TEC: variants seen among roughly 807,000 people sequenced by gnomAD.
The protein encoded by TEC is tyrosine-protein kinase Tec.
In TEC, 72 loss-of-function variants were observed where a neutral mutation model predicts 93.0. That is an observed-to-expected ratio of 0.77 (90% confidence interval 0.64 to 0.94). The LOEUF (loss-of-function observed/expected upper bound fraction) is 0.94, where lower values mean the gene tolerates loss of function less well. Ranked by LOEUF, TEC falls within the 40% of genes least tolerant of loss-of-function variation. TEC has a pLI of 0.00. For missense variants in TEC, 630 were observed against 757.9 expected (o/e 0.83, Z 1.98); for synonymous variants, 249 against 247.7 (o/e 1.01, Z -0.05).
intron 2 of TEC, among the ~76,000 whole-genome samples, chr4:48,211,803 A>G (rs1387577058): frequency 6.6e-6 from 1 of 152,110 alleles, no homozygotes; most frequent in Non-Finnish European, 1.5e-5. Flanking sequence ...CTTCTTTAAT[A>G]TAAGCATTCA....
chr4:48,226,705 G>A (rs967826775), intron 2 of TEC, among the ~76,000 whole-genome samples: 1 of 152,054 alleles, frequency 6.6e-6, no homozygotes, highest in African/African-American at 2.4e-5. Flanking sequence ...TAGTAGTTAA[G>A]TTTGCGGGGG....
Position 48,136,906 on chromosome 4 carries a change from G to A in TEC, c.*510C>T, listed in dbSNP as rs1719449843. On this transcript the variant is annotated 3_prime_UTR_variant, in exon 18 of 18. Coordinates refer to ENST00000381501, the MANE Select transcript of TEC (RefSeq NM_003215.3). ...TAAGAGCAGTCTTGAAAACTGAGAT[G>A]TTTTCAAAACAAAAGATAGGTATTT... 1 of 152,210 alleles carries A rather than the reference G, an allele frequency of 6.6e-6. No individual in the cohort carries two copies. Among genetic ancestry groups the A allele is most frequent in the South Asian group, 2.1e-4 (1 of 4,822 alleles). 9.4% of individuals were successfully genotyped at this position (152,210 alleles called of 1,614,324 possible). A position where few individuals can be genotyped will look rare whatever the true frequency, so the allele number is the denominator to read the frequency against.
intron 2 of TEC, among the ~76,000 whole-genome samples, chr4:48,185,173 A>G (rs1721765307): frequency 6.6e-6 from 1 of 152,258 alleles, no homozygotes; most frequent in African/African-American, 2.4e-5. Flanking sequence ...GTGAAAGACT[A>G]AAGAGTTCCA....
intron 8 of TEC, among the ~76,000 whole-genome samples, chr4:48,163,120 G>T (rs904453127): frequency 1.3e-5 from 2 of 152,010 alleles, no homozygotes; most frequent in African/African-American, 4.8e-5. Context: ...CATCTGCCTG[G>T]TTATGTCTCT....
chr4:48,137,415 C>T lies in TEC; in HGVS notation c.*1G>A, dbSNP rs1385886645. 1.2e-6 allele frequency: 2 copies of T among 1,613,812 alleles called. No individual in the cohort carries two copies. On this transcript the variant is annotated 3_prime_UTR_variant, in exon 18 of 18. Coordinates refer to ENST00000381501, the MANE Select transcript of TEC (RefSeq NM_003215.3). ...TCTGGGAGCCACTGGTCACACATCA[C>T]TTATCTTCCAAAAGTTTCTTCACAT... is the stretch of plus-strand genomic sequence containing the variant.
At chr4:48,171,548 CTCAAATAACTGAAAG>C in intron 3 of TEC, 99 bp from the exon 4 acceptor site, 1 of 794,724 alleles carries the variant, frequency 1.3e-6, no homozygotes. Flanking sequence ...ATAAATGATT[CTCAAATAACTGAAAG>C]TCAATAACTT....
intron 14 of TEC, among the ~76,000 whole-genome samples, chr4:48,142,887 T>C (rs995409732): frequency 1.3e-5 from 2 of 152,060 alleles, no homozygotes; most frequent in Non-Finnish European, 2.9e-5. Flanking sequence ...TTTCACCATG[T>C]TTGCCAGGAT....
chr4:48,247,513 A>G (rs902204026), intron 1 of TEC, among the ~76,000 whole-genome samples: 1 of 149,700 alleles, frequency 6.7e-6, no homozygotes, highest in Non-Finnish European at 1.5e-5. Context: ...GAATGAATAA[A>G]CAAAATTTAT....
At chr4:48,187,284 C>T (rs972076063) in intron 2 of TEC, among the ~76,000 whole-genome samples, 49 of 152,266 alleles carry the variant, frequency 3.2e-4, no homozygotes, top group Non-Finnish European at 5.0e-4. Flanking sequence ...CCCAGGGACA[C>T]AAACATTGCG....
chr4:48,163,383 G>C (rs2109535899), intron 8 of TEC, among the ~76,000 whole-genome samples: 1 of 152,248 alleles, frequency 6.6e-6, no homozygotes, highest in African/African-American at 2.4e-5. Flanking sequence ...AAACTGTTCT[G>C]CTTATGTCCT....
intron 7 of TEC, 42 bp from the exon 8 acceptor site, chr4:48,163,809 G>C: frequency 9.1e-7 from 1 of 1,094,768 alleles, no homozygotes; most frequent in Non-Finnish European, 1.3e-6. Flanking sequence ...TACTTTACTG[G>C]GAGGTTATTG....
At chr4:48,240,980 TA>T (rs1253359886) in intron 1 of TEC, among the ~76,000 whole-genome samples, 7 of 152,118 alleles carry the variant, frequency 4.6e-5, no homozygotes. Context: ...TTAAAAACAC[TA>T]ATTTGATAGA....
In TEC at chr4:48,157,692, T is replaced by C. The variant is rs182372359; in HGVS notation, c.738-958A>G. 2.8e-4 allele frequency among the ~76,000 whole-genome samples: 43 copies of C among 152,296 alleles called. 1 individual carries two copies. The highest frequency in any genetic ancestry group is 2.6e-3 in the Admixed American group (40 of 15,292). ...CACCACACCCAGCTAATTTTTGTATTTTTAGTAGAGACAGGGTTTCACTGT... is the reference window on the plus strand; with the variant it reads ...CACCACACCCAGCTAATTTTTGTATCTTTAGTAGAGACAGGGTTTCACTGT... On this transcript the variant is annotated intron_variant, in intron 8 of 17. Transcript: ENST00000381501.
chr4:48,242,218 T>A (rs931889817), intron 1 of TEC, among the ~76,000 whole-genome samples: 1 of 152,252 alleles, frequency 6.6e-6, no homozygotes, highest in Non-Finnish European at 1.5e-5. Context: ...GTTACACGTA[T>A]ACATAAATCT....
chr4:48,171,835 A>AGG (rs1721124831), intron 3 of TEC, among the ~76,000 whole-genome samples: 1 of 152,238 alleles, frequency 6.6e-6, no homozygotes, highest in Non-Finnish European at 1.5e-5. Context: ...CACTATCAAT[A>AGG]ATTGCAGTAG....
intron 9 of TEC, among the ~76,000 whole-genome samples, chr4:48,155,418 A>G (rs1720358309): frequency 6.6e-6 from 1 of 152,208 alleles, no homozygotes; most frequent in Non-Finnish European, 1.5e-5. Flanking sequence ...TCTTATGGCA[A>G]AAGCCAGTTA....
intron 1 of TEC, among the ~76,000 whole-genome samples, chr4:48,250,483 T>C (rs1724171472): frequency 6.6e-6 from 1 of 152,216 alleles, no homozygotes; most frequent in Non-Finnish European, 1.5e-5. Context: ...GATATACCTA[T>C]GTAACTTACT....
intron 6 of TEC, 122 bp downstream of exon 6, chr4:48,168,464 G>A: frequency 2.9e-6 from 3 of 1,038,064 alleles, no homozygotes; most frequent in South Asian, 1.4e-5. Context: ...ACGATCCTAG[G>A]GAAAAATTGT....
At chr4:48,231,525 C>T (rs7658983) in intron 1 of TEC, among the ~76,000 whole-genome samples, 24,235 of 151,906 alleles carry the variant, frequency 0.16, 2,151 homozygotes, top group Non-Finnish European at 0.2. Flanking sequence ...GGGAGGCCGA[C>T]GCAGGCGGAT....
Sources: allele counts gnomAD v4.1 joint callset (sites outside exome capture counted in the v4.1 genomes callset), GRCh38; gene constraint gnomAD v4.1.1; transcripts MANE v1.5; gene names NCBI Gene and HGNC (gene_info 2026-07-23, HGNC 2026-07-21).